FSHR: variants seen among roughly 807,000 people sequenced by gnomAD.
FSHR encodes follicle stimulating hormone receptor, also known as follicle-stimulating hormone receptor.
Under a neutral mutation model 52.1 loss-of-function variants are expected in FSHR, and 46 were observed. The observed-to-expected ratio is 0.88, with a 90% CI of 0.70 to 1.13. The LOEUF (loss-of-function observed/expected upper bound fraction) is 1.13. Ranked by LOEUF, FSHR falls within the 50% of genes most tolerant of loss-of-function variation. The pLI is 0.00. For synonymous variants in FSHR, 399 were observed against 309.6 expected (o/e 1.29, Z -3.03); for missense variants, 964 against 834.6 (o/e 1.16, Z -1.91).
chr2:49,010,822 G>C (rs1343633163), intron 4 of FSHR, among the ~76,000 whole-genome samples: 2 of 152,198 alleles, frequency 1.3e-5, no homozygotes, highest in Non-Finnish European at 2.9e-5. Context: ...GCGTAGAGGT[G>C]TTTGTAGTAT....
At chr2:49,076,591 C>G (rs543628300) in intron 1 of FSHR, among the ~76,000 whole-genome samples, 1 of 152,266 alleles carries the variant, frequency 6.6e-6, no homozygotes, top group African/African-American at 2.4e-5. Context: ...ACTAATTATG[C>G]CTTCCCTACA....
intron 1 of FSHR, among the ~76,000 whole-genome samples, chr2:49,081,683 T>A (rs1670176681): frequency 6.6e-6 from 1 of 152,190 alleles, no homozygotes; most frequent in African/African-American, 2.4e-5. Flanking sequence ...GTCACTATAC[T>A]GCAGGTTACT....
chr2:49,075,527 C>G (rs754732901), intron 1 of FSHR, among the ~76,000 whole-genome samples: 2 of 151,936 alleles, frequency 1.3e-5, no homozygotes, highest in Non-Finnish European at 2.9e-5. Context: ...AGAATAAAAA[C>G]TGAGAGAGAA....
intron 5 of FSHR, 125 bp from the exon 6 acceptor site, chr2:48,989,179 G>C (rs1675654727): frequency 2.3e-5 from 15 of 665,480 alleles, no homozygotes; most frequent in Non-Finnish European, 3.7e-5. Context: ...ACTAGTTGTT[G>C]TTTAGAAGAT....
At chr2:48,974,975 T>C (rs897455972) in intron 8 of FSHR, among the ~76,000 whole-genome samples, 3 of 152,148 alleles carry the variant, frequency 2.0e-5, no homozygotes, top group African/African-American at 4.8e-5. Flanking sequence ...ATGATGCAAA[T>C]ATACATGGGC....
At chr2:49,134,744 G>C (rs1672424598) in intron 1 of FSHR, among the ~76,000 whole-genome samples, 1 of 152,178 alleles carries the variant, frequency 6.6e-6, no homozygotes, top group Admixed American at 6.5e-5. Context: ...CATAAAAAAT[G>C]ATGCGTTCAT....
At chr2:49,101,618 G>C (rs1671030404) in intron 1 of FSHR, among the ~76,000 whole-genome samples, 1 of 152,142 alleles carries the variant, frequency 6.6e-6, no homozygotes, top group Non-Finnish European at 1.5e-5. Context: ...GAGTAGTAGG[G>C]ATTTAGCTCC....
chr2:49,077,926 C>A (rs1247669270), intron 1 of FSHR, among the ~76,000 whole-genome samples: 2 of 152,188 alleles, frequency 1.3e-5, no homozygotes, highest in Non-Finnish European at 2.9e-5. Flanking sequence ...GCATTTTTGT[C>A]AAAGCCATTC....
chr2:49,145,815 T>C (rs2103849253), intron 1 of FSHR, among the ~76,000 whole-genome samples: 1 of 152,168 alleles, frequency 6.6e-6, no homozygotes, highest in Non-Finnish European at 1.5e-5. Flanking sequence ...ATATTTGCTG[T>C]TCAAAGAAAA....
intron 2 of FSHR, among the ~76,000 whole-genome samples, chr2:49,043,298 GGT>G (rs1009525863): frequency 6.6e-6 from 1 of 152,044 alleles, no homozygotes; most frequent in Non-Finnish European, 1.5e-5. Flanking sequence ...CAGGGTAGGG[GGT>G]GGGGTAGTGG....
intron 4 of FSHR, chr2:49,014,872 A>T: frequency 2.1e-6 from 1 of 468,638 alleles, no homozygotes; most frequent in Non-Finnish European, 4.4e-6. Context: ...CCTAGAGAGC[A>T]TTTGTTCTGT....
At chr2:48,968,059 C>G (rs577303089) in intron 9 of FSHR, among the ~76,000 whole-genome samples, 11 of 152,308 alleles carry the variant, frequency 7.2e-5, no homozygotes, top group African/African-American at 2.4e-4. Context: ...CTTTCCAGAT[C>G]CTGTCTATGA....
intron 1 of FSHR, among the ~76,000 whole-genome samples, chr2:49,079,465 T>C (rs904239832): frequency 2.0e-5 from 3 of 152,042 alleles, no homozygotes; most frequent in Admixed American, 6.6e-5. Flanking sequence ...TAGATCAAGA[T>C]TGAGGGGATT....
intron 1 of FSHR, among the ~76,000 whole-genome samples, chr2:49,075,711 T>C (rs1431658554): frequency 6.6e-6 from 1 of 152,144 alleles, no homozygotes; most frequent in Non-Finnish European, 1.5e-5. Context: ...TATTGCAGCC[T>C]TGACTTCCTG....
At chr2:49,034,105 C>T in intron 2 of FSHR, among the ~76,000 whole-genome samples, 1 of 152,138 alleles carries the variant, frequency 6.6e-6, no homozygotes, top group South Asian at 2.1e-4. Context: ...GAAACAAGAC[C>T]CAGAGTCTGG....
rs532659217 is a variant in FSHR at position 49,085,630 on chromosome 2, C to A, written c.153-17340G>T. Among the ~76,000 whole-genome samples, 6 of 152,188 alleles carry A rather than the reference C, an allele frequency of 3.9e-5. No homozygotes were observed. In the South Asian group the frequency reaches 1.2e-3, roughly 32 times the overall value. Reference sequence around the variant, plus strand: ...CATTACTGGGTATATACCCAAAGGACTATAAATCATGCTGCTATAAAGACA... The same window carrying A: ...CATTACTGGGTATATACCCAAAGGAATATAAATCATGCTGCTATAAAGACA... On this transcript the variant is annotated intron_variant, in intron 1 of 9. Coordinates refer to ENST00000406846, the MANE Select transcript of FSHR (RefSeq NM_000145.4).
rs1423326685 is a variant in FSHR at position 49,013,499 on chromosome 2, T to TAA, written c.374+3988_374+3989dup. Reference sequence around the variant, plus strand: ...ATATATAAATAAATATATATATATATAAATATATATATATATAAATATATA... The same window carrying TAA: ...ATATATAAATAAATATATATATATATAAAAATATATATATATATAAATATATA... On this transcript the variant is annotated intron_variant, in intron 4 of 9. Coordinates refer to ENST00000406846, the MANE Select transcript of FSHR (RefSeq NM_000145.4). Among the ~76,000 whole-genome samples, 8 of 65,456 alleles carry TAA rather than the reference T, an allele frequency of 1.2e-4. No individual in the cohort carries two copies. In the East Asian group the frequency reaches 1.6e-3, roughly 13 times the overall value. 42.9% of individuals were successfully genotyped at this position (65,456 alleles called of 152,430 possible).
intron 4 of FSHR, among the ~76,000 whole-genome samples, chr2:48,999,831 A>T (rs895715498): frequency 2.5e-4 from 38 of 152,130 alleles, no homozygotes; most frequent in Non-Finnish European, 4.4e-5. Context: ...TTTCCCAAAC[A>T]TACTGACTTT....
chr2:49,021,880 TATATATAGAGAG>T (rs1455102708), intron 2 of FSHR, among the ~76,000 whole-genome samples: 6 of 51,300 alleles, frequency 1.2e-4, no homozygotes, highest in African/African-American at 4.2e-4. Flanking sequence ...TATATATATA[TATATATAGAGAG>T]AGAGAGAGAG....
Sources: gnomAD v4.1 joint callset for allele counts (sites outside exome capture counted in the v4.1 genomes callset) on GRCh38, gnomAD v4.1.1 for gene constraint, MANE v1.5 for transcripts, NCBI Gene and HGNC (gene_info 2026-07-23, HGNC 2026-07-21) for gene names.